The following UNC13C variants were observed in gnomAD, a reference collection of about 807,000 sequenced individuals.
UNC13C encodes the protein unc-13 homolog C.
In UNC13C, 174 loss-of-function variants were observed where a neutral mutation model predicts 245.4. The observed-to-expected ratio is 0.71, with a 90% CI of 0.63 to 0.80. The LOEUF (loss-of-function observed/expected upper bound fraction) is 0.80. Ranked by LOEUF, UNC13C falls within the 30% of genes least tolerant of loss-of-function variation. The pLI, the probability that UNC13C is intolerant of heterozygous loss-of-function variation, is 0.00. For synonymous variants in UNC13C, 992 were observed against 895.1 expected, an observed-to-expected ratio of 1.11 and a Z score of -1.93; for missense variants, 2,829 against 2,602.9, an observed-to-expected ratio of 1.09 and a Z score of -1.89.
At position 54,014,323 on chromosome 15, in the gene UNC13C, C is replaced by A; in HGVS notation, c.1420C>A (p.Leu474Ile). The A allele has an allele frequency of 6.2e-7, 1 of 1,613,870 alleles. No individual in the cohort carries two copies. Among genetic ancestry groups the A allele is most frequent in the South Asian group, 1.1e-5 (1 of 91,078 alleles). Reference protein sequence around the residue: ...SYAVLSKSELLTKGSTSKPSS... With the variant: ...SYAVLSKSELITKGSTSKPSS... ...CGCTGTGCTTTCCAAGTCAGAGCTT[C>A]TAACAAAGGGAAGTACTTCCAAGCC... The change falls in exon 2 of 33, where the codon CTA (leucine) becomes ATA (isoleucine). Residue 474 changes from leucine (L) to isoleucine (I), a missense_variant. Transcript: ENST00000260323.
rs1246982047 is a variant in UNC13C at position 54,038,120 on chromosome 15, A to ATTTTTT, written c.2983+22235_2983+22236insTTTTTT. 8.9e-3 allele frequency among the ~76,000 whole-genome samples: 402 copies of ATTTTTT among 45,156 alleles called. 6 individuals carry two copies. The highest frequency in any genetic ancestry group is 0.022 in the East Asian group (25 of 1,160). 29.6% of individuals were successfully genotyped at this position (45,156 alleles called of 152,430 possible). A position where few individuals can be genotyped will look rare whatever the true frequency, so the allele number is the denominator to read the frequency against. ...TATACATATATATATATATATATAT[A>ATTTTTT]TATATTTTTTTTTTTTTTTTCCTGA... On this transcript the variant is annotated intron_variant, in intron 2 of 32. Transcript: ENST00000260323.
At chr15:53,961,296 A>T in the UNC13C span, among the ~76,000 whole-genome samples, 1 of 152,150 alleles carries the variant, frequency 6.6e-6, no homozygotes, top group African/African-American at 2.4e-5. Flanking sequence ...TTGCTGGGGG[A>T]CTCTGCTGGG....
At chr15:54,010,113 C>A (rs1344301091) in intron 1 of UNC13C, among the ~76,000 whole-genome samples, 1 of 152,180 alleles carries the variant, frequency 6.6e-6, no homozygotes, top group Non-Finnish European at 1.5e-5. Context: ...AGGCCCAGTG[C>A]AGCCAGTTTA....
chr15:54,211,543 G>A (rs888208884), intron 4 of UNC13C, among the ~76,000 whole-genome samples: 3 of 152,028 alleles, frequency 2.0e-5, no homozygotes, highest in Admixed American at 6.6e-5. Flanking sequence ...CTCTGAATGC[G>A]GAGTTAGGGA....
At chr15:54,439,625 A>T (rs1234882600) in intron 19 of UNC13C, among the ~76,000 whole-genome samples, 1 of 151,924 alleles carries the variant, frequency 6.6e-6, no homozygotes, top group East Asian at 1.9e-4. Context: ...ATTTTTGCAT[A>T]TTGATACAAA....
intron 2 of UNC13C, among the ~76,000 whole-genome samples, chr15:54,075,248 G>T (rs1356842350): frequency 6.6e-6 from 1 of 152,078 alleles, no homozygotes; most frequent in Non-Finnish European, 1.5e-5. Flanking sequence ...CACTTTGAGA[G>T]GCCGAGGCGG....
intron 17 of UNC13C, among the ~76,000 whole-genome samples, chr15:54,341,605 A>G (rs892287254): frequency 1.4e-5 from 2 of 140,764 alleles, no homozygotes; most frequent in Non-Finnish European, 3.2e-5. Context: ...AATTTCAGGA[A>G]TACAAAAAAA....
At chr15:54,011,359 G>C (rs150897467) in intron 1 of UNC13C, among the ~76,000 whole-genome samples, 6 of 152,202 alleles carry the variant, frequency 3.9e-5, no homozygotes, top group African/African-American at 1.4e-4. Flanking sequence ...AACATCAGAG[G>C]CATTAACAGA....
intron 18 of UNC13C, among the ~76,000 whole-genome samples, chr15:54,407,727 T>C (rs1016178219): frequency 6.6e-6 from 1 of 152,030 alleles, no homozygotes; most frequent in African/African-American, 2.4e-5. Flanking sequence ...TAGAAGCAGA[T>C]CTTAGCAAGA....
intron 13 of UNC13C, among the ~76,000 whole-genome samples, chr15:54,312,962 C>T (rs2037914153): frequency 6.6e-6 from 1 of 151,776 alleles, no homozygotes; most frequent in Non-Finnish European, 1.5e-5. Flanking sequence ...ACCTTAATTT[C>T]CAATACGGTT....
chr15:54,416,074 GAAGT>G (rs1159220147), intron 19 of UNC13C, among the ~76,000 whole-genome samples: 1 of 152,198 alleles, frequency 6.6e-6, no homozygotes, highest in Non-Finnish European at 1.5e-5. Context: ...GAGGTAGCAA[GAAGT>G]AAGACAGGAG....
At chr15:54,462,720 A>G (rs1207200783) in intron 19 of UNC13C, among the ~76,000 whole-genome samples, 1 of 152,194 alleles carries the variant, frequency 6.6e-6, no homozygotes, top group Admixed American at 6.5e-5. Flanking sequence ...GCAGCCCGCC[A>G]TGCCTGAGCC....
intron 7 of UNC13C, among the ~76,000 whole-genome samples, chr15:54,238,075 G>T (rs1315966574): frequency 7.6e-5 from 2 of 26,450 alleles, no homozygotes; most frequent in Admixed American, 7.0e-4. Flanking sequence ...GACTTTTATA[G>T]GTTTTTTTTT....
chr15:54,324,576 A>G (rs1423639306), intron 14 of UNC13C, among the ~76,000 whole-genome samples: 1 of 152,004 alleles, frequency 6.6e-6, no homozygotes, highest in East Asian at 1.9e-4. Flanking sequence ...ATTGGATGAC[A>G]GTGATTTTTT....
At chr15:53,886,611 A>G in the UNC13C span, among the ~76,000 whole-genome samples, 1 of 152,216 alleles carries the variant, frequency 6.6e-6, no homozygotes, top group Non-Finnish European at 1.5e-5. Flanking sequence ...GAGAGGCAGT[A>G]TAATTCTTCA....
At chr15:54,626,756 T>A in intron 32 of UNC13C, 72 bp from the exon 33 acceptor site, 1 of 1,307,058 alleles carries the variant, frequency 7.7e-7, no homozygotes, top group Non-Finnish European at 1.1e-6. Flanking sequence ...TTTTCAGCAG[T>A]ATTTGAGAAC....
rs185803932 is a variant in UNC13C, at chr15:54,085,569, C to A, written c.2984-57449C>A. On this transcript the variant is annotated intron_variant, in intron 2 of 32. Coordinates refer to ENST00000260323, the MANE Select transcript of UNC13C (RefSeq NM_001080534.3). Reference sequence around the variant, plus strand: ...CTTCTCTTGAAGAAGATACACCAACCTTTGCCTCGAAGTATTTATACTTTT... The same window carrying A: ...CTTCTCTTGAAGAAGATACACCAACATTTGCCTCGAAGTATTTATACTTTT... Among the ~76,000 whole-genome samples, 83 of 152,184 alleles carry A rather than the reference C, an allele frequency of 5.5e-4. No individual in the cohort carries two copies. In the East Asian group the frequency reaches 0.014, roughly 27 times the overall value.
chr15:53,874,417 G>A, the UNC13C span, among the ~76,000 whole-genome samples: 11 of 152,262 alleles, frequency 7.2e-5, no homozygotes, highest in East Asian at 2.1e-3. Flanking sequence ...GCAGTACCAG[G>A]AATGTCTGAC....
chr15:54,163,046 G>A (rs1323865924), intron 4 of UNC13C, among the ~76,000 whole-genome samples: 2 of 152,152 alleles, frequency 1.3e-5, no homozygotes, highest in Non-Finnish European at 2.9e-5. Flanking sequence ...CTGCAAAGAT[G>A]TCCGCATCCT....
Sources: gnomAD v4.1 joint callset for allele counts (sites outside exome capture counted in the v4.1 genomes callset) on GRCh38, gnomAD v4.1.1 for gene constraint, MANE v1.5 for transcripts, NCBI Gene and HGNC (gene_info 2026-07-23, HGNC 2026-07-21) for gene names.